The following DACH2 variants were observed in gnomAD, a reference collection of about 807,000 sequenced individuals.
The protein encoded by DACH2 is dachshund family transcription factor 2.
A neutral mutation model predicts 35.8 loss-of-function variants in DACH2; 17 were observed. That is an observed-to-expected ratio of 0.48 (90% CI 0.33 to 0.71). The LOEUF (loss-of-function observed/expected upper bound fraction) is 0.71. Among genes scored for constraint, DACH2 ranks in the 30% least tolerant of loss-of-function variants. DACH2 has a pLI of 0.02. For missense variants in DACH2, 469 were observed against 472.7 expected, an observed-to-expected ratio of 0.99 and a Z score of 0.07; for synonymous variants, 195 against 177.3, an observed-to-expected ratio of 1.10 and a Z score of -0.79.
intron 1 of DACH2, among the ~76,000 whole-genome samples, chrX:86,288,150 C>A (rs1170055153): frequency 8.9e-6 from 1 of 112,359 alleles, no homozygotes; most frequent in Non-Finnish European, 1.9e-5. Flanking sequence ...AGAGGTATTA[C>A]CTTGATGGTC....
At chrX:86,395,176 A>T (rs1191121448) in intron 2 of DACH2, among the ~76,000 whole-genome samples, 1 of 111,283 alleles carries the variant, frequency 9.0e-6, no homozygotes, top group Non-Finnish European at 1.9e-5. Flanking sequence ...ATGATCTCTA[A>T]CATATAGCCC....
rs149384554 is a variant in DACH2, at chrX:86,393,341, C to A, written c.527+16479C>A. Among the ~76,000 whole-genome samples, 5 of 111,850 alleles carry A rather than the reference C, an allele frequency of 4.5e-5. No homozygotes were observed. The Admixed American group carries it at 4.8e-4, about 11-fold the overall frequency. ...TCTATATATGCCTATCAACTAGATT[C>A]TTTGATTACGTGAGTCATGCTTTAT... On this transcript the variant is annotated intron_variant, in intron 2 of 11. Coordinates refer to ENST00000373125, the MANE Select transcript of DACH2 (RefSeq NM_053281.3).
At chrX:86,373,631 CG>C (rs2035923050) in intron 1 of DACH2, among the ~76,000 whole-genome samples, 2 of 109,324 alleles carry the variant, frequency 1.8e-5, no homozygotes, top group Admixed American at 2.0e-4. Context: ...TTGAACATCT[CG>C]GGAGAATTTC....
intron 1 of DACH2, among the ~76,000 whole-genome samples, chrX:86,372,850 A>T (rs2035908544): frequency 9.0e-6 from 1 of 110,653 alleles, no homozygotes; most frequent in Non-Finnish European, 1.9e-5. Context: ...AGTAGTCCCC[A>T]GTGTCTATTG....
rs767365264 is a variant in DACH2 at position 86,495,222 on chromosome X, T to G, written c.528-19057T>G. Among the ~76,000 whole-genome samples the G allele has an allele frequency of 2.4e-4, 26 of 108,788 alleles. No individual in the cohort carries two copies. In the Admixed American group the frequency reaches 2.6e-3, roughly 11 times the overall value. 94.5% of individuals were successfully genotyped at this position (108,788 alleles called of 115,157 possible). On this transcript the variant is annotated intron_variant, in intron 2 of 11. Coordinates refer to ENST00000373125, the MANE Select transcript of DACH2 (RefSeq NM_053281.3). Reference sequence around the variant, plus strand: ...GCTACCAGGCCTGGTTATTATTTTTTTTTTATTTTTATTTTTTAGTAGAGA... The same window carrying G: ...GCTACCAGGCCTGGTTATTATTTTTGTTTTATTTTTATTTTTTAGTAGAGA...
chrX:86,665,774 T>TA (rs11333878), intron 4 of DACH2, among the ~76,000 whole-genome samples: 3,603 of 105,635 alleles, frequency 0.034, 155 homozygotes, highest in African/African-American at 0.12. Context: ...ATTACTTTGT[T>TA]AAAAAAAAAA....
intron 1 of DACH2, among the ~76,000 whole-genome samples, chrX:86,325,582 T>A (rs763258938): frequency 7.8e-4 from 87 of 112,178 alleles, no homozygotes; most frequent in African/African-American, 2.7e-3. Context: ...TTAATTTAAT[T>A]TTCATTGTCA....
chrX:86,407,901 C>T (rs941683583), intron 2 of DACH2, among the ~76,000 whole-genome samples: 2 of 111,737 alleles, frequency 1.8e-5, no homozygotes, highest in African/African-American at 6.5e-5. Context: ...ATTTATCAGA[C>T]CATCTATGTG....
At chrX:86,666,015 C>A (rs749414945) in intron 4 of DACH2, among the ~76,000 whole-genome samples, 1 of 110,983 alleles carries the variant, frequency 9.0e-6, no homozygotes, top group Non-Finnish European at 1.9e-5. Context: ...TTTCAGAAAA[C>A]TCATCATCAT....
At chrX:86,827,809 T>C (rs2042576436) in intron 11 of DACH2, 1 of 1,158,449 alleles carries the variant, frequency 8.6e-7, no homozygotes, top group African/African-American at 1.8e-5. Context: ...TAGGCACGAA[T>C]AGGGTGCTGT....
chrX:86,763,860 A>C (rs1303408368), intron 7 of DACH2, among the ~76,000 whole-genome samples: 1 of 111,800 alleles, frequency 8.9e-6, no homozygotes, highest in Non-Finnish European at 1.9e-5. Context: ...TGACTTGTAT[A>C]CTTATAATTT....
chrX:86,346,451 G>A (rs781747611), intron 1 of DACH2, among the ~76,000 whole-genome samples: 1 of 110,274 alleles, frequency 9.1e-6, no homozygotes, highest in South Asian at 3.9e-4. Context: ...ATAAGTTAGA[G>A]CTGAGAGTAT....
At chrX:86,316,604 C>CTG (rs1569345626) in intron 1 of DACH2, among the ~76,000 whole-genome samples, 1 of 111,635 alleles carries the variant, frequency 9.0e-6, no homozygotes, top group Non-Finnish European at 1.9e-5. Context: ...GAATGGAATA[C>CTG]CTAATGGCTG....
chrX:86,832,261 G>A lies in DACH2; in HGVS notation c.*106G>A, dbSNP rs1397057350. The A allele has an allele frequency of 2.6e-5, 16 of 613,214 alleles. No individual in the cohort carries two copies. Among genetic ancestry groups the A allele is most frequent in the Non-Finnish European group, 3.9e-5 (15 of 385,527 alleles). 50.5% of individuals were successfully genotyped at this position (613,214 alleles called of 1,213,427 possible). A position where few individuals can be genotyped will look rare whatever the true frequency, so the allele number is the denominator to read the frequency against. On this transcript the variant is annotated 3_prime_UTR_variant, in exon 12 of 12. Transcript: ENST00000373125. The stretch of plus-strand genomic sequence containing the variant: ...CAGTTTTGTTTATCAGCAAAGCTTT[G>A]TTTACTGAAGGAGCTATTTAATCTA...
At chrX:86,424,389 G>A (rs1238929613) in intron 2 of DACH2, among the ~76,000 whole-genome samples, 1 of 110,026 alleles carries the variant, frequency 9.1e-6, no homozygotes, top group Non-Finnish European at 1.9e-5. Flanking sequence ...TTTACATTAT[G>A]GAGATCATTT....
intron 3 of DACH2, among the ~76,000 whole-genome samples, chrX:86,556,795 T>TATATATATATATATAGAG (rs1232719385): frequency 4.0e-5 from 1 of 25,298 alleles, no homozygotes; most frequent in Admixed American, 7.1e-4. Flanking sequence ...TATATATATA[T>TATATATATATATATAGAG]AGAGAGAGAG....
At chrX:86,421,866 C>A (rs759878037) in intron 2 of DACH2, among the ~76,000 whole-genome samples, 1 of 110,706 alleles carries the variant, frequency 9.0e-6, no homozygotes, top group East Asian at 2.8e-4. Context: ...ACAAGACCTG[C>A]TTAGTCATAC....
At chrX:86,548,306 T>C (rs988604699) in intron 3 of DACH2, among the ~76,000 whole-genome samples, 8 of 111,431 alleles carry the variant, frequency 7.2e-5, no homozygotes, top group African/African-American at 2.6e-4. Flanking sequence ...AAGGCAATGC[T>C]TGTGATTTTA....
At chrX:86,648,965 T>C (rs754864931) in intron 3 of DACH2, among the ~76,000 whole-genome samples, 1 of 109,798 alleles carries the variant, frequency 9.1e-6, no homozygotes, top group South Asian at 3.9e-4. Context: ...TTTTAACTCA[T>C]GTGTGAGCTA....
Sources: allele counts gnomAD v4.1 joint callset (sites outside exome capture counted in the v4.1 genomes callset), GRCh38; gene constraint gnomAD v4.1.1; transcripts MANE v1.5; gene names NCBI Gene and HGNC (gene_info 2026-07-23, HGNC 2026-07-21).